ZMYND11: variants seen among roughly 807,000 people sequenced by gnomAD.
The protein encoded by ZMYND11 is zinc finger MYND-type containing 11.
In ZMYND11, 9 loss-of-function variants were observed where a neutral mutation model predicts 84.9. The ratio of observed to expected loss-of-function variants is 0.11; its 90% CI spans 0.06 to 0.18. The LOEUF (loss-of-function observed/expected upper bound fraction) is 0.18. Ranked by LOEUF, ZMYND11 falls within the 10% of genes least tolerant of loss-of-function variation. The pLI is 1.00. For synonymous variants in ZMYND11, 250 were observed against 244.1 expected (o/e 1.02, Z -0.23); for missense variants, 409 against 761.0 (o/e 0.54, Z 5.44).
intron 1 of ZMYND11, chr10:148,732 G>C (rs920647583): frequency 1.3e-5 from 2 of 152,262 alleles, no homozygotes; most frequent in South Asian, 2.1e-4. Flanking sequence ...GCTGACTGTT[G>C]ACAGGGTGCT....
chr10:170,654 C>G (rs1845114280), intron 1 of ZMYND11, among the ~76,000 whole-genome samples: 1 of 151,894 alleles, frequency 6.6e-6, no homozygotes, highest in Non-Finnish European at 1.5e-5. Flanking sequence ...GTTGCAAACT[C>G]TAGGGAAACC....
chr10:234,063 T>A (rs894941862), intron 4 of ZMYND11, among the ~76,000 whole-genome samples: 1 of 152,244 alleles, frequency 6.6e-6, no homozygotes, highest in East Asian at 1.9e-4. Context: ...CGTTTCAAAC[T>A]AAGAACAATC....
In ZMYND11 at chr10:137,411, A is replaced by G. The variant is rs144768855; in HGVS notation, c.-20+1852A>G. ...TCTGCATCCCACAGTAAGCTGAGTC[A>G]TATGGAGGCAAGAACATTCTTAAAA... On this transcript the variant is annotated intron_variant, in intron 1 of 14. Transcript: ENST00000381604. Among the ~76,000 whole-genome samples, 737 of 152,302 alleles carry G rather than the reference A, an allele frequency of 4.8e-3. 2 individuals are homozygous for G. The highest frequency in any genetic ancestry group is 8.4e-3 in the Non-Finnish European group (569 of 68,020).
intron 4 of ZMYND11, among the ~76,000 whole-genome samples, chr10:225,935 G>T (rs1325513387): frequency 1.3e-5 from 2 of 152,202 alleles, no homozygotes; most frequent in African/African-American, 2.4e-5. Context: ...AAGGGTCTCT[G>T]TGCTGTGCAG....
Position 180,146 on chromosome 10 carries a change from CAAAT to C in ZMYND11, c.116+20_116+23del. The C allele has an allele frequency of 6.3e-7, 1 of 1,583,174 alleles. No individual in the cohort carries two copies. Among genetic ancestry groups the C allele is most frequent in the Non-Finnish European group, 8.6e-7 (1 of 1,156,276 alleles). On this transcript the variant is annotated intron_variant, in intron 2 of 14. Coordinates refer to ENST00000381604, the MANE Select transcript of ZMYND11 (RefSeq NM_001370100.5). ...ATTACAAAGTAAGTAAATTTAAACA[CAAAT>C]ATCTCTGTAAAATGTCGTAGAAGAC...
intron 4 of ZMYND11, among the ~76,000 whole-genome samples, chr10:228,085 C>T (rs1457046239): frequency 2.0e-5 from 3 of 152,018 alleles, no homozygotes; most frequent in Admixed American, 1.3e-4. Context: ...TCACCACAAG[C>T]TTAATCAGAG....
chr10:137,762 T>C (rs1290552557), intron 1 of ZMYND11, among the ~76,000 whole-genome samples: 1 of 152,216 alleles, frequency 6.6e-6, no homozygotes, highest in African/African-American at 2.4e-5. Context: ...GGTTACATTA[T>C]AGTTGTTATT....
At chr10:205,972 T>G (rs1449603371) in intron 2 of ZMYND11, among the ~76,000 whole-genome samples, 5 of 152,034 alleles carry the variant, frequency 3.3e-5, no homozygotes, top group Admixed American at 2.6e-4. Context: ...TTAAAGGTGT[T>G]TTTTTGGTGT....
intron 1 of ZMYND11, among the ~76,000 whole-genome samples, chr10:169,048 T>C (rs1256777041): frequency 1.3e-5 from 2 of 152,132 alleles, no homozygotes; most frequent in African/African-American, 4.8e-5. Context: ...TTTTGAAATA[T>C]GCAAGAGCTT....
At position 254,365 on chromosome 10, in the gene ZMYND11, A is replaced by T. The variant is rs541645519; in HGVS notation, c.*1895A>T. The T allele has an allele frequency of 7.9e-5, 12 of 152,798 alleles. No homozygotes were observed. Among genetic ancestry groups the T allele is most frequent in the Admixed American group, 6.5e-4 (10 of 15,300 alleles). The allele number at this position is 152,798 out of a possible 1,614,324, so 9.5% of individuals were successfully genotyped here. On this transcript the variant is annotated 3_prime_UTR_variant, in exon 15 of 15. Coordinates refer to ENST00000381604, the MANE Select transcript of ZMYND11 (RefSeq NM_001370100.5). ...GCGTGAAAACTGTGTGTTTAAAAAAAAACAAAATTAAAAAAAGAGATTGTG... is the reference window on the plus strand; with the variant it reads ...GCGTGAAAACTGTGTGTTTAAAAAATAACAAAATTAAAAAAAGAGATTGTG...
intron 1 of ZMYND11, among the ~76,000 whole-genome samples, chr10:171,927 T>A (rs1445859044): frequency 6.6e-6 from 1 of 152,202 alleles, no homozygotes; most frequent in Non-Finnish European, 1.5e-5. Context: ...ACTGGGTAAT[T>A]TATAAATAAC....
intron 1 of ZMYND11, among the ~76,000 whole-genome samples, chr10:175,445 G>A (rs565997843): frequency 4.6e-5 from 7 of 152,290 alleles, no homozygotes; most frequent in Non-Finnish European, 7.3e-5. Flanking sequence ...GCGCACGCCT[G>A]TAATCCTAGC....
At chr10:248,726 C>T in intron 13 of ZMYND11, 118 bp downstream of exon 13, 1 of 1,400,632 alleles carries the variant, frequency 7.1e-7, no homozygotes, top group Non-Finnish European at 9.5e-7. Flanking sequence ...TATAATGACA[C>T]CAGTATCTTT....
intron 10 of ZMYND11, 56 bp downstream of exon 10, chr10:242,195 A>T: frequency 1.3e-6 from 2 of 1,582,680 alleles, no homozygotes; most frequent in Non-Finnish European, 1.7e-6. Flanking sequence ...GTCCTTAAGA[A>T]AGTTTGATGA....
At chr10:235,923 TCA>T (rs1278271365) in intron 4 of ZMYND11, among the ~76,000 whole-genome samples, 6 of 152,268 alleles carry the variant, frequency 3.9e-5, no homozygotes, top group African/African-American at 7.2e-5. Flanking sequence ...CTAAAAGTTC[TCA>T]GTTATGTGAG....
intron 4 of ZMYND11, among the ~76,000 whole-genome samples, chr10:233,070 C>T (rs1359222398): frequency 6.6e-6 from 1 of 152,208 alleles, no homozygotes; most frequent in Admixed American, 6.5e-5. Context: ...GACGAGGTCT[C>T]TTAGGAAGTT....
chr10:209,288 G>T (rs752131107), intron 2 of ZMYND11, among the ~76,000 whole-genome samples: 2 of 152,002 alleles, frequency 1.3e-5, no homozygotes. Context: ...ACCTTGTAAC[G>T]GTAAATCAGG....
At chr10:221,589 CCCTTA>C (rs1246090545) in intron 4 of ZMYND11, among the ~76,000 whole-genome samples, 7 of 152,312 alleles carry the variant, frequency 4.6e-5, no homozygotes, top group African/African-American at 1.4e-4. Context: ...CTCTTCCCTT[CCCTTA>C]CCTGCCTCTG....
At chr10:185,493 TAA>T (rs531517790) in intron 2 of ZMYND11, among the ~76,000 whole-genome samples, 9 of 80,760 alleles carry the variant, frequency 1.1e-4, no homozygotes, top group Non-Finnish European at 1.8e-4. Context: ...GGTTTTTCTT[TAA>T]AAAAAAAAAA....
Sources: allele counts gnomAD v4.1 joint callset (sites outside exome capture counted in the v4.1 genomes callset), GRCh38; gene constraint gnomAD v4.1.1; transcripts MANE v1.5; gene names NCBI Gene and HGNC (gene_info 2026-07-23, HGNC 2026-07-21).